Variants in FAM174A observed in about 807,000 individuals in gnomAD.
FAM174A encodes family with sequence similarity 174 member A.
FAM174A carries 14 observed loss-of-function variants against 14.3 expected under a neutral mutation model. That is an observed-to-expected ratio of 0.98 (90% CI 0.65 to 1.53). FAM174A has a LOEUF of 1.53. Ranked by LOEUF, FAM174A falls within the 40% of genes most tolerant of loss-of-function variation. FAM174A has a pLI of 0.00. For synonymous variants in FAM174A, 108 were observed against 111.4 expected (o/e 0.97, Z 0.19); for missense variants, 241 against 249.6 (o/e 0.97, Z 0.23).
At chr5:100,545,807 T>C (rs1015242563) in intron 1 of FAM174A, among the ~76,000 whole-genome samples, 12 of 152,200 alleles carry the variant, frequency 7.9e-5, no homozygotes, top group Non-Finnish European at 1.5e-5. Context: ...TATTAATATA[T>C]GTTACATGTT....
intron 1 of FAM174A, among the ~76,000 whole-genome samples, chr5:100,553,751 G>T (rs1165496888): frequency 6.6e-6 from 1 of 152,028 alleles, no homozygotes; most frequent in Non-Finnish European, 1.5e-5. Context: ...TTAAAGGATA[G>T]AATAAAGAAT....
intron 2 of FAM174A, among the ~76,000 whole-genome samples, chr5:100,584,707 T>C (rs1427885624): frequency 6.6e-6 from 1 of 152,186 alleles, no homozygotes; most frequent in Non-Finnish European, 1.5e-5. Flanking sequence ...AAAAAAGTTA[T>C]TTCAAAAAAA....
intron 1 of FAM174A, among the ~76,000 whole-genome samples, chr5:100,549,691 A>C (rs1008539976): frequency 2.0e-5 from 3 of 152,002 alleles, no homozygotes; most frequent in Admixed American, 6.6e-5. Context: ...CGTTGAAGGA[A>C]CTTTCTAGTT....
At chr5:100,573,334 A>G (rs10478518) in intron 2 of FAM174A, among the ~76,000 whole-genome samples, 11,025 of 151,768 alleles carry the variant, frequency 0.073, 560 homozygotes, top group African/African-American at 0.14. Context: ...GCCCATGCCT[A>G]TGTCCTGAAT....
intron 1 of FAM174A, among the ~76,000 whole-genome samples, chr5:100,555,558 G>A (rs572059140): frequency 2.0e-4 from 31 of 152,054 alleles, no homozygotes; most frequent in African/African-American, 7.5e-4. Flanking sequence ...GTGTAAAAGT[G>A]TTCCTATTTC....
intron 1 of FAM174A, among the ~76,000 whole-genome samples, chr5:100,545,341 A>G (rs542363317): frequency 1.3e-5 from 2 of 152,342 alleles, no homozygotes; most frequent in East Asian, 3.9e-4. Context: ...AATTGAAGTT[A>G]CTTTCTTAAG....
chr5:100,541,561 A>G lies in FAM174A; in HGVS notation c.434+5597A>G, dbSNP rs551848702. Among the ~76,000 whole-genome samples the G allele has an allele frequency of 2.6e-5, 4 of 152,196 alleles. 1 individual carries two copies. The South Asian group carries it at 8.3e-4, about 32-fold the overall frequency. On this transcript the variant is annotated intron_variant, in intron 1 of 2. Coordinates refer to ENST00000312637, the MANE Select transcript of FAM174A (RefSeq NM_198507.3). ...GGGTCCATTTAAGAATGAACTATCCAGTCTTGTTTAAATGCCATTAGTGGG... is the reference window on the plus strand; with the variant it reads ...GGGTCCATTTAAGAATGAACTATCCGGTCTTGTTTAAATGCCATTAGTGGG...
At chr5:100,560,434 G>A (rs1416428590) in intron 1 of FAM174A, among the ~76,000 whole-genome samples, 1 of 152,010 alleles carries the variant, frequency 6.6e-6, no homozygotes, top group African/African-American at 2.4e-5. Flanking sequence ...GGTTACATTT[G>A]TAACTTTAAA....
intron 1 of FAM174A, among the ~76,000 whole-genome samples, chr5:100,554,234 C>T (rs1164419775): frequency 1.3e-5 from 2 of 150,426 alleles, no homozygotes; most frequent in African/African-American, 4.9e-5. Flanking sequence ...TAAAATCAAA[C>T]AATTGCATGC....
At chr5:100,562,967 C>T (rs1312735261) in intron 2 of FAM174A, among the ~76,000 whole-genome samples, 2 of 151,708 alleles carry the variant, frequency 1.3e-5, no homozygotes, top group African/African-American at 4.8e-5. Flanking sequence ...AATTAGAGTC[C>T]AGAGTCAGGT....
At chr5:100,575,373 G>GCTATCCC (rs1649537323) in intron 2 of FAM174A, among the ~76,000 whole-genome samples, 1 of 151,962 alleles carries the variant, frequency 6.6e-6, no homozygotes, top group African/African-American at 2.4e-5. Context: ...TTTACATTAG[G>GCTATCCC]TATATCTCCT....
Position 100,586,377 on chromosome 5 carries a change from G to A in FAM174A, c.*193G>A, listed in dbSNP as rs13876. The stretch of plus-strand genomic sequence containing the variant: ...ATCTTTATATGTATAGAAGTACTCT[G>A]TTAATGGGCTCAGAGATGTTGGGGA... On this transcript the variant is annotated 3_prime_UTR_variant, in exon 3 of 3. Coordinates refer to ENST00000312637, the MANE Select transcript of FAM174A (RefSeq NM_198507.3). The A allele has an allele frequency of 0.49, 168,391 of 340,958 alleles. 46,409 individuals are homozygous for A. The highest frequency in any genetic ancestry group is 0.8 in the African/African-American group (37,847 of 47,048). 21.1% of individuals were successfully genotyped at this position (340,958 alleles called of 1,614,324 possible). A position where few individuals can be genotyped will look rare whatever the true frequency, so the allele number is the denominator to read the frequency against.
At chr5:100,559,412 TGTCTTG>T (rs1755053700) in intron 1 of FAM174A, among the ~76,000 whole-genome samples, 1 of 152,208 alleles carries the variant, frequency 6.6e-6, no homozygotes, top group South Asian at 2.1e-4. Flanking sequence ...GGCAGTTATG[TGTCTTG>T]GAGTTGCTCT....
At chr5:100,568,475 A>T (rs528974734) in intron 2 of FAM174A, among the ~76,000 whole-genome samples, 1 of 151,854 alleles carries the variant, frequency 6.6e-6, no homozygotes, top group Non-Finnish European at 1.5e-5. Context: ...TATATAATAC[A>T]TAAATACACC....
rs1287180978 is a variant in FAM174A at position 100,568,619 on chromosome 5, A to G, written c.569+6431A>G. ...TCCATAGTTGTGTTTTTCTACTGTC[A>G]TGAGATCTCTGGCTTCAATACTTTT... is the stretch of plus-strand genomic sequence containing the variant. On this transcript the variant is annotated intron_variant, in intron 2 of 2. Coordinates refer to ENST00000312637, the MANE Select transcript of FAM174A (RefSeq NM_198507.3). Among the ~76,000 whole-genome samples, 47 of 148,294 alleles carry G rather than the reference A, an allele frequency of 3.2e-4. No individual in the cohort carries two copies. In the Admixed American group the frequency reaches 3.2e-3, roughly 10 times the overall value.
intron 1 of FAM174A, among the ~76,000 whole-genome samples, chr5:100,555,126 T>C (rs1414527801): frequency 6.6e-6 from 1 of 150,522 alleles, no homozygotes; most frequent in Non-Finnish European, 1.5e-5. Flanking sequence ...CCCCTTCCTG[T>C]GTCCATGTGT....
At chr5:100,564,325 CT>C (rs1174527773) in intron 2 of FAM174A, among the ~76,000 whole-genome samples, 3 of 147,016 alleles carry the variant, frequency 2.0e-5, no homozygotes, top group African/African-American at 7.3e-5. Context: ...ATTTTAAGAG[CT>C]ATTTTGAGAC....
intron 1 of FAM174A, among the ~76,000 whole-genome samples, chr5:100,544,754 C>T (rs961139409): frequency 1.3e-5 from 2 of 152,184 alleles, no homozygotes; most frequent in Admixed American, 6.5e-5. Context: ...AACATGACTG[C>T]AGTCCTCAGG....
At chr5:100,571,683 T>C (rs2112395564) in intron 2 of FAM174A, among the ~76,000 whole-genome samples, 1 of 146,808 alleles carries the variant, frequency 6.8e-6, no homozygotes, top group East Asian at 2.0e-4. Context: ...TATATATATA[T>C]ATATATATAC....
Sources: allele counts gnomAD v4.1 joint callset (sites outside exome capture counted in the v4.1 genomes callset), GRCh38; gene constraint gnomAD v4.1.1; transcripts MANE v1.5; gene names NCBI Gene and HGNC (gene_info 2026-07-23, HGNC 2026-07-21).